Variants in ZFAND3 observed in about 807,000 individuals in gnomAD.
ZFAND3 encodes the protein AN1-type zinc finger protein 3.
In ZFAND3, 10 loss-of-function variants were observed where a neutral mutation model predicts 29.6. That is an observed-to-expected ratio of 0.34 (90% CI 0.21 to 0.57). The LOEUF is 0.57. Ranked by LOEUF, ZFAND3 falls within the 20% of genes least tolerant of loss-of-function variation. ZFAND3 has a pLI of 0.86. For synonymous variants in ZFAND3, 128 were observed against 112.6 expected, an observed-to-expected ratio of 1.14 and a Z score of -0.87; for missense variants, 230 against 304.5, an observed-to-expected ratio of 0.76 and a Z score of 1.82.
chr6:37,960,582 C>T (rs1762177261), intron 2 of ZFAND3, among the ~76,000 whole-genome samples: 1 of 152,152 alleles, frequency 6.6e-6, no homozygotes, highest in South Asian at 2.1e-4. Flanking sequence ...CCTTAGAATC[C>T]TGTAGCTACC....
At chr6:37,953,329 GT>G (rs1762029881) in intron 2 of ZFAND3, among the ~76,000 whole-genome samples, 1 of 151,216 alleles carries the variant, frequency 6.6e-6, no homozygotes, top group African/African-American at 2.4e-5. Context: ...TATTTGTCAA[GT>G]GATATTCTAT....
intron 4 of ZFAND3, among the ~76,000 whole-genome samples, chr6:38,088,697 T>A (rs963163400): frequency 6.6e-6 from 1 of 152,262 alleles, no homozygotes; most frequent in African/African-American, 2.4e-5. Flanking sequence ...TCACTTTTAC[T>A]CTTCTTCCAG....
chr6:38,109,081 G>A (rs1161579644), intron 4 of ZFAND3, among the ~76,000 whole-genome samples: 2 of 151,034 alleles, frequency 1.3e-5, no homozygotes, highest in African/African-American at 2.4e-5. Context: ...GGACTAGCCA[G>A]CACAGGCAAA....
At chr6:37,840,342 G>A (rs561263710) in intron 1 of ZFAND3, among the ~76,000 whole-genome samples, 14 of 151,948 alleles carry the variant, frequency 9.2e-5, no homozygotes, top group Non-Finnish European at 1.6e-4. Context: ...CAAGCAATCC[G>A]CCTGCTTCAG....
chr6:38,001,468 C>A (rs1035880287), intron 2 of ZFAND3, among the ~76,000 whole-genome samples: 5 of 152,144 alleles, frequency 3.3e-5, no homozygotes, highest in African/African-American at 1.2e-4. Flanking sequence ...TCTTTCCTGC[C>A]CAGTTCATTT....
intron 5 of ZFAND3, among the ~76,000 whole-genome samples, chr6:38,120,320 CTTTTTTTTTTT>C (rs70981523): frequency 2.8e-3 from 173 of 60,732 alleles, no homozygotes; most frequent in African/African-American, 5.8e-3. Context: ...GCTTGGCTTC[CTTTTTTTTTTT>C]TTTTTTTTTT....
intron 2 of ZFAND3, among the ~76,000 whole-genome samples, chr6:38,040,816 T>G (rs1168590434): frequency 6.6e-6 from 1 of 152,200 alleles, no homozygotes; most frequent in East Asian, 1.9e-4. Flanking sequence ...AAGGACATTC[T>G]CTTAATTTAA....
intron 5 of ZFAND3, among the ~76,000 whole-genome samples, chr6:38,149,076 G>A (rs1766168104): frequency 6.6e-6 from 1 of 151,964 alleles, no homozygotes; most frequent in Non-Finnish European, 1.5e-5. Flanking sequence ...AGCTGGCTGG[G>A]CGTGGATTTT....
chr6:37,998,586 A>C (rs1762892557), intron 2 of ZFAND3, among the ~76,000 whole-genome samples: 1 of 152,202 alleles, frequency 6.6e-6, no homozygotes, highest in Non-Finnish European at 1.5e-5. Context: ...TTTGGAAGTA[A>C]GTGAATTCTG....
In ZFAND3 at chr6:37,969,023, A is replaced by G. The variant is rs574305955; in HGVS notation, c.112+39024A>G. On this transcript the variant is annotated intron_variant, in intron 2 of 5. Coordinates refer to ENST00000287218, the MANE Select transcript of ZFAND3 (RefSeq NM_021943.3). Reference sequence around the variant, plus strand: ...ACAAACCTAGTTGGTGTAGCCTACTACACACCTAGGCTATATGGTATAGGC... The same window carrying G: ...ACAAACCTAGTTGGTGTAGCCTACTGCACACCTAGGCTATATGGTATAGGC... Among the ~76,000 whole-genome samples the G allele has an allele frequency of 3.9e-5, 6 of 152,324 alleles. No individual in the cohort carries two copies. In the South Asian group the frequency reaches 1.0e-3, roughly 26 times the overall value.
chr6:38,056,958 C>G (rs994751077), intron 2 of ZFAND3, among the ~76,000 whole-genome samples: 2 of 152,158 alleles, frequency 1.3e-5, no homozygotes, highest in African/African-American at 4.8e-5. Flanking sequence ...TTTGGAAAAG[C>G]TTTATTCACA....
chr6:38,072,121 A>G (rs966283422), intron 3 of ZFAND3, among the ~76,000 whole-genome samples: 2 of 141,502 alleles, frequency 1.4e-5, no homozygotes, highest in African/African-American at 5.2e-5. Flanking sequence ...TGGAATAATG[A>G]GAGTCATTTT....
intron 2 of ZFAND3, among the ~76,000 whole-genome samples, chr6:38,041,701 T>C (rs1763776237): frequency 2.3e-3 from 1 of 442 alleles, no homozygotes; most frequent in African/African-American, 3.4e-3. Flanking sequence ...CTCCTTCTCC[T>C]CCTCCTCCTC....
chr6:38,010,352 T>TC (rs1181743134), intron 2 of ZFAND3, among the ~76,000 whole-genome samples: 10 of 152,094 alleles, frequency 6.6e-5, no homozygotes, highest in Non-Finnish European at 4.4e-5. Context: ...TTGATTTTTT[T>TC]CCCCCCTTAC....
At chr6:37,830,902 C>T (rs888113210) in intron 1 of ZFAND3, among the ~76,000 whole-genome samples, 2 of 152,122 alleles carry the variant, frequency 1.3e-5, no homozygotes, top group Admixed American at 6.5e-5. Flanking sequence ...AAGAATTTAA[C>T]AGTAGTATTT....
At chr6:37,914,641 A>G (rs1445177750) in intron 1 of ZFAND3, among the ~76,000 whole-genome samples, 2 of 106,660 alleles carry the variant, frequency 1.9e-5, no homozygotes, top group African/African-American at 7.7e-5. Context: ...ACCCATAATT[A>G]TTTTCTTTCT....
At chr6:37,931,757 A>T (rs1031434261) in intron 2 of ZFAND3, among the ~76,000 whole-genome samples, 1 of 152,068 alleles carries the variant, frequency 6.6e-6, no homozygotes, top group African/African-American at 2.4e-5. Context: ...TGTTAATTTT[A>T]ATCTATTCAT....
Position 38,154,212 on chromosome 6 carries a change from C to T in ZFAND3, c.*1823C>T. On this transcript the variant is annotated 3_prime_UTR_variant, in exon 6 of 6. Transcript: ENST00000287218. The stretch of plus-strand genomic sequence containing the variant: ...CAGTGAGGCAGCCCCCCATAGGCTT[C>T]CGCCAAGCTCTGGTCCCGAAGAGGC... 1 of 985,592 alleles carries T rather than the reference C, an allele frequency of 1.0e-6. No individual in the cohort carries two copies. The highest frequency in any genetic ancestry group is 4.7e-5 in the South Asian group (1 of 21,296). 61.1% of individuals were successfully genotyped at this position (985,592 alleles called of 1,614,324 possible).
At chr6:37,980,307 T>A (rs1762558094) in intron 2 of ZFAND3, among the ~76,000 whole-genome samples, 1 of 152,214 alleles carries the variant, frequency 6.6e-6, no homozygotes, top group South Asian at 2.1e-4. Context: ...AATGTACATT[T>A]TGTTTAAGGA....
Sources: gnomAD v4.1 joint callset for allele counts (sites outside exome capture counted in the v4.1 genomes callset) on GRCh38, gnomAD v4.1.1 for gene constraint, MANE v1.5 for transcripts, NCBI Gene and HGNC (gene_info 2026-07-23, HGNC 2026-07-21) for gene names.